The following ERP44 variants were observed in gnomAD, a reference collection of about 807,000 sequenced individuals.
The protein encoded by ERP44 is endoplasmic reticulum resident protein 44.
A neutral mutation model predicts 53.4 loss-of-function variants in ERP44; 25 were observed. That is an observed-to-expected ratio of 0.47 (90% CI 0.34 to 0.65). The LOEUF (loss-of-function observed/expected upper bound fraction) is 0.65. Ranked by LOEUF, ERP44 falls within the 30% of genes least tolerant of loss-of-function variation. The probability of loss-of-function intolerance (pLI) is 0.01; values close to 1 mark genes in which losing one functional copy is unlikely to be tolerated. For missense variants in ERP44, 338 were observed against 493.2 expected (o/e 0.69, Z 2.98); for synonymous variants, 145 against 161.2 (o/e 0.90, Z 0.76).
At chr9:100,063,092 A>AAAAAAAAAAG (rs773290883) in intron 1 of ERP44, among the ~76,000 whole-genome samples, 4 of 145,234 alleles carry the variant, frequency 2.8e-5, no homozygotes, top group African/African-American at 5.3e-5. Context: ...AAAAAAAAAA[A>AAAAAAAAAAG]AGAGAGAGAG....
intron 11 of ERP44, among the ~76,000 whole-genome samples, chr9:99,983,435 C>CT (rs1294260293): frequency 2.6e-5 from 4 of 151,126 alleles, no homozygotes; most frequent in Non-Finnish European, 5.9e-5. Flanking sequence ...GTCCCAGCTA[C>CT]TCGGGAGGCT....
intron 4 of ERP44, among the ~76,000 whole-genome samples, chr9:100,035,385 C>T (rs542189007): frequency 8.5e-5 from 13 of 152,130 alleles, no homozygotes; most frequent in Admixed American, 2.0e-4. Flanking sequence ...AAACAAAACA[C>T]GAATAACCCC....
chr9:100,043,127 C>T (rs879745315), intron 4 of ERP44, among the ~76,000 whole-genome samples: 7 of 151,096 alleles, frequency 4.6e-5, no homozygotes, highest in African/African-American at 1.2e-4. Flanking sequence ...GGCATGGTGG[C>T]GGGCACCTGT....
chr9:100,022,668 G>T (rs1257868305), intron 4 of ERP44, among the ~76,000 whole-genome samples: 4 of 152,132 alleles, frequency 2.6e-5, no homozygotes, highest in African/African-American at 9.7e-5. Context: ...ATATAAGCTG[G>T]GGAGGGGAGG....
chr9:100,013,918 AT>A (rs1266537734), intron 8 of ERP44, among the ~76,000 whole-genome samples: 2 of 152,286 alleles, frequency 1.3e-5, no homozygotes, highest in African/African-American at 4.8e-5. Flanking sequence ...AGTAGAATGG[AT>A]ATATTGTGTT....
At chr9:99,988,739 C>T (rs947832040) in intron 10 of ERP44, among the ~76,000 whole-genome samples, 1 of 152,162 alleles carries the variant, frequency 6.6e-6, no homozygotes, top group Non-Finnish European at 1.5e-5. Flanking sequence ...TTGCCTCACC[C>T]AGGAAGCACA....
chr9:99,987,882 A>G (rs1291046755), intron 10 of ERP44, among the ~76,000 whole-genome samples: 2 of 152,164 alleles, frequency 1.3e-5, no homozygotes, highest in East Asian at 3.8e-4. Flanking sequence ...GTAGATACAC[A>G]ATTAGTTTAT....
chr9:100,023,676 A>G (rs899147237), intron 4 of ERP44, among the ~76,000 whole-genome samples: 1 of 151,940 alleles, frequency 6.6e-6, no homozygotes, highest in African/African-American at 2.4e-5. Flanking sequence ...TGAACTCCTG[A>G]GCTCAAGCAA....
chr9:100,088,915 G>C (rs1000181995), intron 1 of ERP44, among the ~76,000 whole-genome samples: 2 of 152,084 alleles, frequency 1.3e-5, no homozygotes, highest in African/African-American at 4.8e-5. Flanking sequence ...CAGAGTACAG[G>C]TACAAATAAA....
In ERP44 at chr9:100,061,658, C is replaced by G. The variant is rs952671011; in HGVS notation, c.58-1486G>C. On this transcript the variant is annotated intron_variant, in intron 1 of 11. Coordinates refer to ENST00000262455, the MANE Select transcript of ERP44 (RefSeq NM_015051.3). ...TATTTATTCTGTTCTTAGGAAAGGCCTAAGGATAACACTGTCTTATTTTTA... is the reference window on the plus strand; with the variant it reads ...TATTTATTCTGTTCTTAGGAAAGGCGTAAGGATAACACTGTCTTATTTTTA... Among the ~76,000 whole-genome samples, 16 of 148,312 alleles carry G rather than the reference C, an allele frequency of 1.1e-4. No homozygotes were observed. The East Asian group carries it at 2.9e-3, about 27-fold the overall frequency.
At chr9:99,988,450 C>A (rs916576264) in intron 10 of ERP44, among the ~76,000 whole-genome samples, 3 of 152,122 alleles carry the variant, frequency 2.0e-5, no homozygotes, top group African/African-American at 7.2e-5. Flanking sequence ...GAAGGAAATT[C>A]TTTTTTGGTA....
intron 1 of ERP44, among the ~76,000 whole-genome samples, chr9:100,097,585 T>C (rs1006210089): frequency 6.6e-6 from 1 of 152,246 alleles, no homozygotes; most frequent in African/African-American, 2.4e-5. Flanking sequence ...TTATAAGAAG[T>C]GGCAATAAGA....
At chr9:100,037,116 C>T (rs1825854282) in intron 4 of ERP44, among the ~76,000 whole-genome samples, 1 of 152,200 alleles carries the variant, frequency 6.6e-6, no homozygotes, top group African/African-American at 2.4e-5. Flanking sequence ...GAATCACCAA[C>T]ACCACCCCTC....
intron 9 of ERP44, 59 bp downstream of exon 9, chr9:100,007,519 A>C: frequency 1.1e-6 from 1 of 887,910 alleles, no homozygotes; most frequent in Non-Finnish European, 1.9e-6. Context: ...GAGATGATGA[A>C]AGGGAAAAAA....
intron 1 of ERP44, among the ~76,000 whole-genome samples, chr9:100,084,875 G>C (rs558665275): frequency 1.3e-5 from 2 of 152,208 alleles, no homozygotes; most frequent in African/African-American, 4.8e-5. Flanking sequence ...ACTGTAGAAA[G>C]GGGTATTCCC....
chr9:100,052,366 C>T (rs772892471), intron 4 of ERP44, 51 bp downstream of exon 4: 1 of 834,964 alleles, frequency 1.2e-6, no homozygotes, highest in East Asian at 2.9e-5. Flanking sequence ...GTATGTGTGC[C>T]TGTGTTTGGG....
At chr9:99,997,487 G>A (rs1455409885) in intron 10 of ERP44, among the ~76,000 whole-genome samples, 1 of 152,016 alleles carries the variant, frequency 6.6e-6, no homozygotes, top group Non-Finnish European at 1.5e-5. Flanking sequence ...TTCACTGAAA[G>A]GAAAAAACTG....
intron 1 of ERP44, among the ~76,000 whole-genome samples, chr9:100,098,443 G>A (rs1014485290): frequency 1.8e-4 from 27 of 152,182 alleles, no homozygotes; most frequent in African/African-American, 9.7e-5. Context: ...GGAACGCTAG[G>A]TCTATGCTTG....
Position 100,057,840 on chromosome 9 carries a change from T to G in ERP44, c.150A>C (p.Leu50Phe), listed in dbSNP as rs758697996. 1 of 1,605,566 alleles carries G rather than the reference T, an allele frequency of 6.2e-7. No homozygotes were observed. Among genetic ancestry groups the G allele is most frequent in the South Asian group, 1.1e-5 (1 of 89,282 alleles). The change falls in exon 3 of 12, where the codon TTA becomes TTC. Residue 50 changes from leucine (L) to phenylalanine (F), a missense_variant. Around this residue, in one of 3 missense-constraint regions of ERP44, gnomAD observed 224 missense variants for 301.4 expected, o/e 0.74. Transcript: ENST00000262455. ...DEILNNADVA[L>F]VNFYADWCRF... ...CTTACCAGTCAGCATAAAAATTTAC[T>G]AAAGCAACATCAGCATTGTCTGAAA...
Sources: allele counts gnomAD v4.1 joint callset (sites outside exome capture counted in the v4.1 genomes callset), GRCh38; gene constraint gnomAD v4.1.1; regional missense constraint gnomAD v4.1.1; transcripts MANE v1.5; gene names NCBI Gene and HGNC (gene_info 2026-07-23, HGNC 2026-07-21).